LARS1: variants seen among roughly 807,000 people sequenced by gnomAD.
LARS1 encodes leucine--tRNA ligase, cytoplasmic.
In LARS1, 100 loss-of-function variants were observed where a neutral mutation model predicts 162.8. The observed-to-expected ratio is 0.61, with a 90% CI of 0.52 to 0.73. LARS1 has a LOEUF of 0.73. Ranked by LOEUF, LARS1 falls within the 30% of genes least tolerant of loss-of-function variation. The probability of loss-of-function intolerance (pLI) is 0.00; values close to 1 mark genes in which losing one functional copy is unlikely to be tolerated. For synonymous variants in LARS1, 457 were observed against 462.8 expected (o/e 0.99, Z 0.16); for missense variants, 1,258 against 1,408.9 (o/e 0.89, Z 1.71).
intron 4 of LARS1, among the ~76,000 whole-genome samples, chr5:146,169,695 C>T (rs191134207): frequency 9.1e-4 from 139 of 152,032 alleles, no homozygotes; most frequent in Non-Finnish European, 1.1e-3. Flanking sequence ...ATTACAGGCA[C>T]CTGCCACCAC....
At chr5:146,135,569 A>G (rs745537023) in intron 22 of LARS1, 32 bp downstream of exon 22, 3 of 1,509,060 alleles carry the variant, frequency 2.0e-6, no homozygotes, top group South Asian at 2.4e-5. Context: ...ACTGGACCCT[A>G]CAGAACAGCA....
In LARS1 at chr5:146,113,808, G is replaced by GA. The variant is rs1764079701; in HGVS notation, c.*297dup. 1 of 335,542 alleles carries GA rather than the reference G, an allele frequency of 3.0e-6. No individual in the cohort carries two copies. Among genetic ancestry groups the GA allele is most frequent in the Non-Finnish European group, 5.5e-6 (1 of 182,054 alleles). 20.8% of individuals were successfully genotyped at this position (335,542 alleles called of 1,614,324 possible). A position where few individuals can be genotyped will look rare whatever the true frequency, so the allele number is the denominator to read the frequency against. ...GTACACCTCATAAAAGAAGCATACT[G>GA]ACACTTTTATGTTCATCTTAAAAAC... On this transcript the variant is annotated 3_prime_UTR_variant, in exon 32 of 32. Transcript: ENST00000394434.
intron 21 of LARS1, among the ~76,000 whole-genome samples, chr5:146,135,913 C>T (rs1752480731): frequency 6.6e-6 from 1 of 152,196 alleles, no homozygotes; most frequent in Non-Finnish European, 1.5e-5. Context: ...ACACTCAGTC[C>T]ACTGTGATTT....
chr5:146,119,249 G>A (rs1751702513), intron 31 of LARS1, among the ~76,000 whole-genome samples: 1 of 152,078 alleles, frequency 6.6e-6, no homozygotes, highest in Middle Eastern at 3.2e-3. Context: ...CAAAGCCCCA[G>A]TACATACAAA....
intron 1 of LARS1, among the ~76,000 whole-genome samples, chr5:146,180,162 T>C (rs1011069097): frequency 1.3e-5 from 2 of 152,138 alleles, no homozygotes; most frequent in African/African-American, 4.8e-5. Context: ...ACCCAGGAGA[T>C]CAAGGCTGGC....
chr5:146,172,423 G>A (rs1754323924), intron 3 of LARS1, among the ~76,000 whole-genome samples: 1 of 152,010 alleles, frequency 6.6e-6, no homozygotes, highest in Non-Finnish European at 1.5e-5. Context: ...GGCTGAGGCA[G>A]AAGAATCACT....
At chr5:146,143,617 AG>A in intron 18 of LARS1, 67 bp from the exon 19 acceptor site, 1 of 1,433,802 alleles carries the variant, frequency 7.0e-7, no homozygotes, top group East Asian at 2.3e-5. Context: ...CACATTTTTA[AG>A]AAGGGGGCTA....
At chr5:146,129,586 A>C (rs1243340508) in intron 25 of LARS1, among the ~76,000 whole-genome samples, 3 of 152,188 alleles carry the variant, frequency 2.0e-5, no homozygotes, top group African/African-American at 7.2e-5. Flanking sequence ...TAAACCAGCC[A>C]ATCTATTTAT....
intron 10 of LARS1, 36 bp from the exon 11 acceptor site, chr5:146,154,016 A>C: frequency 7.1e-7 from 1 of 1,399,748 alleles, no homozygotes; most frequent in Non-Finnish European, 1.0e-6. Flanking sequence ...AAGGTGAAGT[A>C]ATTCATTGTG....
At chr5:146,136,210 G>A (rs1282057326) in intron 21 of LARS1, among the ~76,000 whole-genome samples, 1 of 152,202 alleles carries the variant, frequency 6.6e-6, no homozygotes, top group African/African-American at 2.4e-5. Flanking sequence ...TAACTATGCT[G>A]ATATCAGAAG....
rs1466381918 is a variant in LARS1 at position 146,157,512 on chromosome 5, A to AG, written c.955_956insC (p.Val319AlafsTer4). The stretch of plus-strand genomic sequence containing the variant: ...GGTACAGATGAATATATCACCATTC[A>AG]CCGTCTCAAATCCAATGTACTTCAT... On this transcript the variant is annotated frameshift_variant, in exon 10 of 32. Transcript: ENST00000394434. LOFTEE classifies it high-confidence loss of function. 1 of 1,614,044 alleles carries AG rather than the reference A, an allele frequency of 6.2e-7. No individual in the cohort carries two copies. The highest frequency in any genetic ancestry group is 1.3e-5 in the African/African-American group (1 of 74,940).
chr5:146,122,450 G>A, intron 30 of LARS1, 42 bp downstream of exon 30: 2 of 1,103,416 alleles, frequency 1.8e-6, no homozygotes, highest in Non-Finnish European at 2.8e-6. Context: ...GGTCTCTTCT[G>A]GTTTTAAAAT....
chr5:146,143,228 A>G (rs1752869571), intron 19 of LARS1, 144 bp from the exon 20 acceptor site: 1 of 836,764 alleles, frequency 1.2e-6, no homozygotes, highest in Non-Finnish European at 1.8e-6. Flanking sequence ...CTTCCATAAG[A>G]ATGAAGAATA....
rs1751768445 is a variant in LARS1, at chr5:146,120,465, G to T, written c.3231C>A (p.Ser1077=). The T allele has an allele frequency of 6.2e-7, 1 of 1,612,920 alleles. No individual in the cohort carries two copies. Among genetic ancestry groups the T allele is most frequent in the African/African-American group, 1.3e-5 (1 of 74,850 alleles). Residue 1077 remains serine, a synonymous_variant, in exon 31 of 32, where the codon TCC becomes TCA. Transcript: ENST00000394434. ...VSVSLVNPQP[S]NGHFSTKIEI... is the part of the protein sequence containing the mutation. ...CAATTTTGGTTGAGAAGTGGCCATT[G>T]GATGGCTGGGGATTCACCAGAGAAA...
In LARS1 at chr5:146,182,633, A is replaced by G; in HGVS notation, c.-140T>C. The G allele has an allele frequency of 8.7e-7, 1 of 1,153,696 alleles. No individual in the cohort carries two copies. Among genetic ancestry groups the G allele is most frequent in the South Asian group, 1.3e-5 (1 of 79,450 alleles). The allele number at this position is 1,153,696 out of a possible 1,614,324, so 71.5% of individuals were successfully genotyped here. A position where few individuals can be genotyped will look rare whatever the true frequency, so the allele number is the denominator to read the frequency against. On this transcript the variant is annotated 5_prime_UTR_variant, in exon 1 of 32. Transcript: ENST00000394434. Reference sequence around the variant, plus strand: ...CACACGCTTCACACCTGCTGAGGCAATCATCCGGCTCCTTACTAACTACAG... The same window carrying G: ...CACACGCTTCACACCTGCTGAGGCAGTCATCCGGCTCCTTACTAACTACAG...
chr5:146,128,008 A>G (rs1384385470), intron 27 of LARS1, among the ~76,000 whole-genome samples: 1 of 152,154 alleles, frequency 6.6e-6, no homozygotes, highest in Non-Finnish European at 1.5e-5. Flanking sequence ...GCATCTAGCA[A>G]TAACTGTTTT....
At chr5:146,143,154 G>C (rs1021249243) in intron 19 of LARS1, 70 bp from the exon 20 acceptor site, 1 of 902,192 alleles carries the variant, frequency 1.1e-6, no homozygotes, top group African/African-American at 1.7e-5. Context: ...ATCAGTACCT[G>C]AATCGAAACA....
At chr5:146,158,215 T>C (rs1250779681) in intron 8 of LARS1, among the ~76,000 whole-genome samples, 2 of 152,184 alleles carry the variant, frequency 1.3e-5, no homozygotes, top group South Asian at 2.1e-4. Context: ...AATAAGGATG[T>C]TGCGTCTCAG....
At chr5:146,166,312 T>C (rs546359278) in intron 5 of LARS1, among the ~76,000 whole-genome samples, 3 of 152,212 alleles carry the variant, frequency 2.0e-5, no homozygotes, top group South Asian at 2.1e-4. Flanking sequence ...AAACTCCCAA[T>C]GGCCACAGCT....
Sources: allele counts gnomAD v4.1 joint callset (sites outside exome capture counted in the v4.1 genomes callset), GRCh38; gene constraint gnomAD v4.1.1; transcripts MANE v1.5; gene names NCBI Gene and HGNC (gene_info 2026-07-23, HGNC 2026-07-21).